SRBD1: variants seen among roughly 807,000 people sequenced by gnomAD.
The protein encoded by SRBD1 is S1 RNA binding domain 1.
In SRBD1, 88 loss-of-function variants were observed where a neutral mutation model predicts 115.3. That is an observed-to-expected ratio of 0.76 (90% CI 0.64 to 0.91). The LOEUF (loss-of-function observed/expected upper bound fraction) is 0.91. Ranked by LOEUF, SRBD1 falls within the 40% of genes least tolerant of loss-of-function variation. The pLI is 0.00. For missense variants in SRBD1, 1,385 were observed against 1,177.4 expected, an observed-to-expected ratio of 1.18 and a Z score of -2.58; for synonymous variants, 509 against 407.7, an observed-to-expected ratio of 1.25 and a Z score of -2.99.
At chr2:45,557,570 G>A (rs951173488) in intron 10 of SRBD1, among the ~76,000 whole-genome samples, 8 of 152,110 alleles carry the variant, frequency 5.3e-5, no homozygotes, top group African/African-American at 1.9e-4. Context: ...TTGAACTTTA[G>A]ACCACTAGAC....
chr2:45,568,975 A>G (rs905504634), intron 9 of SRBD1, among the ~76,000 whole-genome samples: 1 of 152,242 alleles, frequency 6.6e-6, no homozygotes, highest in Non-Finnish European at 1.5e-5. Context: ...TAGTGTACAC[A>G]AAAGTAAAAT....
chr2:45,427,883 T>C (rs1334362471), intron 16 of SRBD1, among the ~76,000 whole-genome samples: 3 of 152,044 alleles, frequency 2.0e-5, no homozygotes, highest in Non-Finnish European at 4.4e-5. Flanking sequence ...AAACTTAGAC[T>C]CCCACACAAT....
At chr2:45,389,658 C>A in intron 20 of SRBD1, 59 bp from the exon 21 acceptor site, 1 of 1,510,620 alleles carries the variant, frequency 6.6e-7, no homozygotes, top group Non-Finnish European at 9.0e-7. Flanking sequence ...TACAACATAA[C>A]TTTGTGAATA....
intron 16 of SRBD1, among the ~76,000 whole-genome samples, chr2:45,471,840 T>C (rs546796670): frequency 3.3e-5 from 5 of 152,316 alleles, no homozygotes; most frequent in African/African-American, 1.2e-4. Context: ...TATAAATGTA[T>C]ATAAATCAAG....
At chr2:45,565,318 A>C (rs1230237845) in intron 9 of SRBD1, among the ~76,000 whole-genome samples, 1 of 152,214 alleles carries the variant, frequency 6.6e-6, no homozygotes, top group Non-Finnish European at 1.5e-5. Context: ...TCCAGAAATA[A>C]ACTTATACAT....
chr2:45,393,222 G>T, intron 19 of SRBD1, 93 bp from the exon 20 acceptor site: 1 of 1,272,300 alleles, frequency 7.9e-7, no homozygotes, highest in Non-Finnish European at 1.1e-6. Flanking sequence ...ATTCATCTTA[G>T]ACCCATAGGT....
At chr2:45,435,695 A>C (rs956541168) in intron 16 of SRBD1, among the ~76,000 whole-genome samples, 10 of 152,152 alleles carry the variant, frequency 6.6e-5, no homozygotes, top group Non-Finnish European at 4.4e-5. Context: ...AACACCCCGG[A>C]TACTCTGCTG....
intron 16 of SRBD1, among the ~76,000 whole-genome samples, chr2:45,439,077 G>C (rs1348140549): frequency 1.3e-5 from 2 of 151,926 alleles, no homozygotes; most frequent in Non-Finnish European, 2.9e-5. Context: ...CAATGAAACG[G>C]TATCTTTAAA....
chr2:45,604,410 A>G (rs1405855276), intron 2 of SRBD1, among the ~76,000 whole-genome samples: 1 of 152,118 alleles, frequency 6.6e-6, no homozygotes, highest in Admixed American at 6.5e-5. Context: ...GGGAGGGCTT[A>G]GAATTAAGCC....
chr2:45,411,489 A>G (rs1667601299), intron 19 of SRBD1, among the ~76,000 whole-genome samples: 1 of 152,196 alleles, frequency 6.6e-6, no homozygotes, highest in African/African-American at 2.4e-5. Context: ...ATTGTATGGT[A>G]GAGGGAGAAA....
At chr2:45,543,049 A>C (rs763879287) in intron 14 of SRBD1, among the ~76,000 whole-genome samples, 4 of 152,220 alleles carry the variant, frequency 2.6e-5, no homozygotes, top group Non-Finnish European at 4.4e-5. Context: ...AAGATTGAAA[A>C]CTGCAAACCA....
In SRBD1 at chr2:45,608,872, A is replaced by C. The variant is rs1011092282; in HGVS notation, c.-1+2347T>G. Among the ~76,000 whole-genome samples the C allele has an allele frequency of 1.6e-4, 24 of 150,638 alleles. No homozygotes were observed. In the East Asian group the frequency reaches 1.8e-3, roughly 11 times the overall value. ...TCACTCTGTCACCCAGCCTGGAGTG[A>C]TCTCAGCTCACTGCAAACTCTGCCT... On this transcript the variant is annotated intron_variant, in intron 1 of 20. Coordinates refer to ENST00000263736, the MANE Select transcript of SRBD1 (RefSeq NM_018079.5).
intron 1 of SRBD1, among the ~76,000 whole-genome samples, chr2:45,610,556 C>A (rs1056069381): frequency 2.0e-5 from 3 of 152,138 alleles, no homozygotes; most frequent in African/African-American, 7.2e-5. Context: ...GTCTCGTTTC[C>A]CATTCCACAC....
chr2:45,435,662 A>G (rs998370219), intron 16 of SRBD1, among the ~76,000 whole-genome samples: 1 of 151,978 alleles, frequency 6.6e-6, no homozygotes, highest in Non-Finnish European at 1.5e-5. Context: ...CGTCCTACCA[A>G]TCATACTGAA....
chr2:45,482,605 C>T (rs1669998733), intron 15 of SRBD1, among the ~76,000 whole-genome samples: 2 of 119,956 alleles, frequency 1.7e-5, no homozygotes, highest in Admixed American at 9.1e-5. Flanking sequence ...AACCTATTCA[C>T]AACGTTAAAC....
chr2:45,513,627 A>T (rs1028798327), intron 14 of SRBD1, among the ~76,000 whole-genome samples: 2 of 152,104 alleles, frequency 1.3e-5, no homozygotes, highest in Non-Finnish European at 2.9e-5. Flanking sequence ...TTGATCATTG[A>T]GCCCTCAGGT....
intron 15 of SRBD1, among the ~76,000 whole-genome samples, chr2:45,480,426 T>G (rs902150628): frequency 6.6e-6 from 1 of 152,162 alleles, no homozygotes; most frequent in African/African-American, 2.4e-5. Flanking sequence ...TGGAGGACAG[T>G]GATTTCAACT....
chr2:45,533,376 T>C (rs1304753585), intron 14 of SRBD1, among the ~76,000 whole-genome samples: 1 of 152,078 alleles, frequency 6.6e-6, no homozygotes, highest in Non-Finnish European at 1.5e-5. Flanking sequence ...TCCTAAAGGA[T>C]GGACACTACA....
At chr2:45,394,500 GAAA>G (rs974004734) in intron 19 of SRBD1, among the ~76,000 whole-genome samples, 12 of 152,284 alleles carry the variant, frequency 7.9e-5, no homozygotes, top group Non-Finnish European at 1.2e-4. Context: ...TACAAAAAGA[GAAA>G]AAGGGAATTG....
Sources: allele counts gnomAD v4.1 joint callset (sites outside exome capture counted in the v4.1 genomes callset), GRCh38; gene constraint gnomAD v4.1.1; transcripts MANE v1.5; gene names NCBI Gene and HGNC (gene_info 2026-07-23, HGNC 2026-07-21).